Variants in DPYSL2 observed in about 807,000 individuals in gnomAD.
DPYSL2 encodes the protein dihydropyrimidinase like 2, also known as dihydropyrimidinase-related protein 2.
DPYSL2 carries 13 observed loss-of-function variants against 69.9 expected under a neutral mutation model. That is an observed-to-expected ratio of 0.19 (90% confidence interval 0.12 to 0.30). DPYSL2 has a LOEUF of 0.30. DPYSL2 is among the 10% of genes least tolerant of loss of function. The pLI, the probability that DPYSL2 is intolerant of heterozygous loss-of-function variation, is 1.00. For synonymous variants in DPYSL2, 326 were observed against 359.1 expected, an observed-to-expected ratio of 0.91 and a Z score of 1.04; for missense variants, 587 against 918.9, an observed-to-expected ratio of 0.64 and a Z score of 4.67.
intron 3 of DPYSL2, among the ~76,000 whole-genome samples, chr8:26,595,960 GT>G (rs146776217): frequency 6.7e-6 from 1 of 149,498 alleles, no homozygotes; most frequent in South Asian, 2.1e-4. Context: ...CTGGGAGTTT[GT>G]TTTTTTTTTA....
intron 1 of DPYSL2, among the ~76,000 whole-genome samples, chr8:26,576,888 A>G (rs373598490): frequency 2.6e-5 from 4 of 152,182 alleles, no homozygotes; most frequent in East Asian, 3.9e-4. Flanking sequence ...GCTGCCCCCG[A>G]CAGCGCTGCA....
intron 7 of DPYSL2, among the ~76,000 whole-genome samples, chr8:26,630,204 TC>T (rs1021358884): frequency 2.0e-5 from 3 of 152,142 alleles, no homozygotes; most frequent in Non-Finnish European, 2.9e-5. Flanking sequence ...GCAGGCACCA[TC>T]CCCCTTTGCA....
chr8:26,599,939 C>G (rs949978925), intron 3 of DPYSL2, among the ~76,000 whole-genome samples: 2 of 152,242 alleles, frequency 1.3e-5, no homozygotes, highest in South Asian at 2.1e-4. Flanking sequence ...CCCTTGCACC[C>G]CTAGCCCATG....
At chr8:26,556,317 C>T (rs371778080) in intron 1 of DPYSL2, among the ~76,000 whole-genome samples, 2 of 3,902 alleles carry the variant, frequency 5.1e-4, no homozygotes, top group South Asian at 6.5e-3. Flanking sequence ...TATATATATA[C>T]TATATATATA....
rs1800984882 is a variant in DPYSL2 at position 26,556,354 on chromosome 8, A to ATATATATATACTATATATATAG, written c.355-25605_355-25604insCTATATATATAGTATATATATA. ...TATATATATAGTATATATATATAGTATATATATATAGTATATATATATAGT... is the reference window on the plus strand; with the variant it reads ...TATATATATAGTATATATATATAGTATATATATATACTATATATATAGTATATATATAGTATATATATATAGT... On this transcript the variant is annotated intron_variant, in intron 1 of 13. Coordinates refer to ENST00000521913, the MANE Select transcript of DPYSL2 (RefSeq NM_001197293.3). 5.0e-4 allele frequency among the ~76,000 whole-genome samples: 7 copies of ATATATATATACTATATATATAG among 14,064 alleles called. 1 individual carries two copies. The highest frequency in any genetic ancestry group is 9.2e-4 in the Non-Finnish European group (7 of 7,580). 9.2% of individuals were successfully genotyped at this position (14,064 alleles called of 152,430 possible). A position where few individuals can be genotyped will look rare whatever the true frequency, so the allele number is the denominator to read the frequency against.
chr8:26,584,061 CCTT>C lies in DPYSL2; in HGVS notation c.628+81_628+83del, dbSNP rs1801545125. The C allele has an allele frequency of 4.1e-6, 6 of 1,452,904 alleles. No homozygotes were observed. The South Asian group carries it at 7.9e-5, about 19-fold the overall frequency. The allele number at this position is 1,452,904 out of a possible 1,614,324, so 90.0% of individuals were successfully genotyped here. ...AAATAAGTCTATTGTTTGATTCTCT[CCTT>C]CTAAAACTTGCTGTCCTGAGCCACA... On this transcript the variant is annotated intron_variant, in intron 3 of 13. Coordinates refer to ENST00000521913, the MANE Select transcript of DPYSL2 (RefSeq NM_001197293.3).
intron 1 of DPYSL2, among the ~76,000 whole-genome samples, chr8:26,515,484 GA>G (rs1808267450): frequency 1.3e-5 from 2 of 152,166 alleles, no homozygotes; most frequent in South Asian, 4.1e-4. Flanking sequence ...CCTCGCACTC[GA>G]AATAGACTGT....
rs995385484 is a variant in DPYSL2 at position 26,600,833 on chromosome 8, G to T, written c.628+16850G>T. On this transcript the variant is annotated intron_variant, in intron 3 of 13. Coordinates refer to ENST00000521913, the MANE Select transcript of DPYSL2 (RefSeq NM_001197293.3). Reference sequence around the variant, plus strand: ...AGCCTGGCACCGCTCCTCGAGATTTGCTCTGATCTCACCGCATGGCTGAGA... The same window carrying T: ...AGCCTGGCACCGCTCCTCGAGATTTTCTCTGATCTCACCGCATGGCTGAGA... 6.6e-5 allele frequency among the ~76,000 whole-genome samples: 10 copies of T among 152,318 alleles called. No homozygotes were observed. The South Asian group carries it at 2.1e-3, about 32-fold the overall frequency.
At chr8:26,568,200 G>C (rs995176911) in intron 1 of DPYSL2, among the ~76,000 whole-genome samples, 1 of 152,210 alleles carries the variant, frequency 6.6e-6, no homozygotes, top group African/African-American at 2.4e-5. Flanking sequence ...CCAGAAGCTG[G>C]AGGGAGACCA....
rs1361316396 is a variant in DPYSL2 at position 26,517,720 on chromosome 8, CA to C, written c.354+3042del. On this transcript the variant is annotated intron_variant, in intron 1 of 13. Coordinates refer to ENST00000521913, the MANE Select transcript of DPYSL2 (RefSeq NM_001197293.3). This position sits in a 1 kb window ranked among gnomAD's most constrained non-coding sequence, Gnocchi z 4.2. Reference sequence around the variant, plus strand: ...AGGGGCCTCTAGGCCCTTTTCCCAGCAGCAAACAACCTATGCAGGCTGGAGT... The same window carrying C: ...AGGGGCCTCTAGGCCCTTTTCCCAGCGCAAACAACCTATGCAGGCTGGAGT... Among the ~76,000 whole-genome samples, 1 of 152,224 alleles carries C rather than the reference CA, an allele frequency of 6.6e-6. No individual in the cohort carries two copies. Among genetic ancestry groups the C allele is most frequent in the Non-Finnish European group, 1.5e-5 (1 of 68,046 alleles).
rs442103 is a variant in DPYSL2 at position 26,571,540 on chromosome 8, T to C, written c.355-10429T>C. Among the ~76,000 whole-genome samples the C allele has an allele frequency of 0.58, 88,255 of 151,916 alleles. 26,716 individuals are homozygous for C. Among genetic ancestry groups the C allele is most frequent in the East Asian group, 0.89 (4,612 of 5,170 alleles). The stretch of plus-strand genomic sequence containing the variant: ...AGGTGCAGGGTGGGCATTGCAGGAG[T>C]TCTTCAGGAGGTGTGTGCGCTAACT... On this transcript the variant is annotated intron_variant, in intron 1 of 13. Transcript: ENST00000521913. This position sits in a 1 kb window ranked among gnomAD's most constrained non-coding sequence, Gnocchi z 6.1.
At chr8:26,542,317 G>A (rs1181227885) in intron 1 of DPYSL2, among the ~76,000 whole-genome samples, 1 of 151,978 alleles carries the variant, frequency 6.6e-6, no homozygotes, top group Non-Finnish European at 1.5e-5. Flanking sequence ...ACCCACAAAA[G>A]GTATAGAGTG....
Position 26,586,055 on chromosome 8 carries a change from A to G in DPYSL2, c.628+2072A>G, listed in dbSNP as rs944397512. On this transcript the variant is annotated intron_variant, in intron 3 of 13. Transcript: ENST00000521913. This position sits in a 1 kb window ranked among gnomAD's most constrained non-coding sequence, Gnocchi z 4.7. ...GAGGCGGAGGTTGCAGGGAGCTGAG[A>G]TTGCACCACTGCACTCTATCCTGAG... 1.3e-5 allele frequency among the ~76,000 whole-genome samples: 2 copies of G among 152,150 alleles called. No homozygotes were observed. Among genetic ancestry groups the G allele is most frequent in the African/African-American group, 4.8e-5 (2 of 41,440 alleles).
intron 3 of DPYSL2, among the ~76,000 whole-genome samples, chr8:26,622,567 A>G (rs1276669648): frequency 6.6e-6 from 1 of 151,518 alleles, no homozygotes; most frequent in East Asian, 1.9e-4. Context: ...CAGCGGCACA[A>G]TCTTGGCTCA....
intron 1 of DPYSL2, among the ~76,000 whole-genome samples, chr8:26,528,969 A>C (rs1800438369): frequency 6.6e-6 from 1 of 152,134 alleles, no homozygotes; most frequent in Non-Finnish European, 1.5e-5. Context: ...CCCTGAGTTT[A>C]AGAGCTTCCT....
At chr8:26,637,366 C>G (rs1040197578) in intron 8 of DPYSL2, among the ~76,000 whole-genome samples, 2 of 152,184 alleles carry the variant, frequency 1.3e-5, no homozygotes, top group Non-Finnish European at 2.9e-5. Flanking sequence ...GGAGGCAGCC[C>G]TGGCAGGAAT....
Position 26,597,454 on chromosome 8 carries a change from C to T in DPYSL2, c.628+13471C>T, listed in dbSNP as rs546915938. On this transcript the variant is annotated intron_variant, in intron 3 of 13. Transcript: ENST00000521913. This position sits in a 1 kb window ranked among gnomAD's most constrained non-coding sequence, Gnocchi z 5.2. Reference sequence around the variant, plus strand: ...TCCCATGTCTGCTTGGGAAACACCACGGGCAGATGGCATTTTTCTTTTCTT... The same window carrying T: ...TCCCATGTCTGCTTGGGAAACACCATGGGCAGATGGCATTTTTCTTTTCTT... Among the ~76,000 whole-genome samples, 8 of 152,224 alleles carry T rather than the reference C, an allele frequency of 5.3e-5. No individual in the cohort carries two copies. The East Asian group carries it at 5.8e-4, about 11-fold the overall frequency.
intron 1 of DPYSL2, among the ~76,000 whole-genome samples, chr8:26,535,264 C>A (rs1275229755): frequency 6.6e-6 from 1 of 152,088 alleles, no homozygotes; most frequent in Non-Finnish European, 1.5e-5. Context: ...TGTGAGGGCC[C>A]CACCCTCATG....
rs369224139 is a variant in DPYSL2, at chr8:26,597,090, G to A, written c.628+13107G>A. On this transcript the variant is annotated intron_variant, in intron 3 of 13. Coordinates refer to ENST00000521913, the MANE Select transcript of DPYSL2 (RefSeq NM_001197293.3). The surrounding 1 kb of genome is among the most constrained non-coding windows in gnomAD (Gnocchi z 5.2). ...TCATACGTCTCCTACTAAGTGGGAG[G>A]CTGCACCCAGCATGGAAGATGCTCA... 5.3e-4 allele frequency among the ~76,000 whole-genome samples: 81 copies of A among 152,310 alleles called. 3 individuals carry two copies. In the South Asian group the frequency reaches 0.015, roughly 28 times the overall value.
Sources: allele counts gnomAD v4.1 joint callset (sites outside exome capture counted in the v4.1 genomes callset), GRCh38; gene constraint gnomAD v4.1.1; non-coding constraint Gnocchi (gnomAD v3.1); transcripts MANE v1.5; gene names NCBI Gene and HGNC (gene_info 2026-07-23, HGNC 2026-07-21).